SLC4A4: variants seen among roughly 807,000 people sequenced by gnomAD.
The protein encoded by SLC4A4 is electrogenic sodium bicarbonate cotransporter 1.
In SLC4A4, 27 loss-of-function variants were observed where a neutral mutation model predicts 111.5. That is an observed-to-expected ratio of 0.24 (90% CI 0.18 to 0.33). The LOEUF (loss-of-function observed/expected upper bound fraction) is 0.33, where lower values mean the gene tolerates loss of function less well. SLC4A4 is among the 10% of genes least tolerant of loss of function. The pLI is 1.00. For synonymous variants in SLC4A4, 443 were observed against 463.4 expected (o/e 0.96, Z 0.57); for missense variants, 909 against 1,315.5 (o/e 0.69, Z 4.78).
chr4:71,113,697 C>G (rs889310892), intron 2 of SLC4A4, among the ~76,000 whole-genome samples: 1 of 152,130 alleles, frequency 6.6e-6, no homozygotes, highest in African/African-American at 2.4e-5. Flanking sequence ...GAGTGAGATT[C>G]ACCGGGTTAG....
intron 1 of SLC4A4, among the ~76,000 whole-genome samples, chr4:71,079,775 C>A (rs80026684): frequency 3.6e-4 from 52 of 142,506 alleles, no homozygotes; most frequent in Non-Finnish European, 3.8e-4. Context: ...AACTCTGTCT[C>A]AAAAAAAAAA....
chr4:71,219,638 G>T (rs2149020265), intron 1 of SLC4A4, among the ~76,000 whole-genome samples: 1 of 152,190 alleles, frequency 6.6e-6, no homozygotes, highest in African/African-American at 2.4e-5. Context: ...TTCTCTGATG[G>T]GTCTGGGCAA....
At chr4:71,168,919 A>G (rs2148981331) in intron 2 of SLC4A4, among the ~76,000 whole-genome samples, 1 of 152,338 alleles carries the variant, frequency 6.6e-6, no homozygotes, top group East Asian at 1.9e-4. Flanking sequence ...AAACATGGGC[A>G]TGCAGATATC....
intron 6 of SLC4A4, among the ~76,000 whole-genome samples, chr4:71,370,351 A>G (rs1578940667): frequency 6.6e-6 from 1 of 152,338 alleles, no homozygotes; most frequent in Non-Finnish European, 1.5e-5. Flanking sequence ...AAGATCTGCT[A>G]ATCCCACAAT....
intron 6 of SLC4A4, among the ~76,000 whole-genome samples, chr4:71,368,609 C>T (rs949517908): frequency 3.3e-5 from 5 of 152,180 alleles, no homozygotes; most frequent in Non-Finnish European, 2.9e-5. Flanking sequence ...TAATACGACA[C>T]CCTGCCCCCT....
chr4:71,516,220 C>G (rs369495861), intron 16 of SLC4A4, among the ~76,000 whole-genome samples: 3 of 148,116 alleles, frequency 2.0e-5, no homozygotes, highest in African/African-American at 7.5e-5. Context: ...CTCAGCCTCT[C>G]GAGTAGCTGG....
intron 8 of SLC4A4, 85 bp from the exon 9 acceptor site, chr4:71,447,561 A>G: frequency 1.2e-6 from 1 of 851,564 alleles, no homozygotes; most frequent in Admixed American, 1.9e-5. Context: ...CTTTTTATGA[A>G]CTAAGTTAAA....
intron 2 of SLC4A4, among the ~76,000 whole-genome samples, chr4:71,171,154 G>GT (rs1026619868): frequency 8.0e-5 from 12 of 150,284 alleles, no homozygotes; most frequent in African/African-American, 2.7e-4. Flanking sequence ...ATTTTTGTTT[G>GT]TTTTGTTTTT....
chr4:71,369,760 TC>T (rs1216738976), intron 6 of SLC4A4, among the ~76,000 whole-genome samples: 5 of 152,192 alleles, frequency 3.3e-5, no homozygotes, highest in African/African-American at 1.2e-4. Flanking sequence ...ACATGCACTT[TC>T]CCACAGGTTT....
rs534780225 is a variant in SLC4A4 at position 71,152,365 on chromosome 4, T to C, written c.-2+59573T>C. 9.2e-5 allele frequency among the ~76,000 whole-genome samples: 14 copies of C among 152,326 alleles called. No homozygotes were observed. The South Asian group carries it at 2.5e-3, about 27-fold the overall frequency. ...ATGTGGAATCATGCTGTGTACATTT[T>C]TCTATGACTTGCTTTTTTGGCTCAA... On this transcript the variant is annotated intron_variant, in intron 2 of 26. Coordinates refer to the SLC4A4 transcript ENST00000649996.
At chr4:71,555,786 C>G (rs548954858) in intron 21 of SLC4A4, among the ~76,000 whole-genome samples, 1 of 151,908 alleles carries the variant, frequency 6.6e-6, no homozygotes, top group Non-Finnish European at 1.5e-5. Flanking sequence ...CTTTTAATCT[C>G]AGCTACTTGG....
At chr4:71,472,671 T>C in intron 13 of SLC4A4, 28 bp from the exon 14 acceptor site, 4 of 1,609,178 alleles carry the variant, frequency 2.5e-6, no homozygotes, top group Non-Finnish European at 3.4e-6. Context: ...GGAGGAGGAA[T>C]CTAAACATTT....
chr4:71,206,734 A>G (rs946184858), intron 1 of SLC4A4, among the ~76,000 whole-genome samples: 1 of 152,042 alleles, frequency 6.6e-6, no homozygotes, highest in African/African-American at 2.4e-5. Context: ...TCTGTCAATA[A>G]TCTGTGAATC....
intron 3 of SLC4A4, among the ~76,000 whole-genome samples, chr4:71,270,338 C>T (rs1161768063): frequency 3.3e-5 from 5 of 152,190 alleles, no homozygotes; most frequent in African/African-American, 1.2e-4. Flanking sequence ...GATCCGCCCG[C>T]CTCGGCCTCC....
In SLC4A4 at chr4:71,221,636, C is replaced by T. The variant is rs187894947; in HGVS notation, c.-1-14940C>T. On this transcript the variant is annotated intron_variant, in intron 1 of 25. Coordinates refer to ENST00000264485, the MANE Select transcript of SLC4A4 (RefSeq NM_001098484.3). ...TCTGCTTTGGCATCTTCTAGCACTA[C>T]GTGTTGCCATCCCTGGGGCAGATTT... Among the ~76,000 whole-genome samples, 17 of 152,288 alleles carry T rather than the reference C, an allele frequency of 1.1e-4. 1 individual carries two copies. Among genetic ancestry groups the T allele is most frequent in the South Asian group, 4.1e-4 (2 of 4,822 alleles).
chr4:71,379,481 C>CT (rs987608719), intron 6 of SLC4A4, among the ~76,000 whole-genome samples: 4 of 152,064 alleles, frequency 2.6e-5, no homozygotes, highest in African/African-American at 9.7e-5. Context: ...CCGCAGGAGA[C>CT]TTTTTTCATA....
chr4:71,363,644 G>A (rs1338184357), intron 6 of SLC4A4, among the ~76,000 whole-genome samples: 1 of 152,108 alleles, frequency 6.6e-6, no homozygotes, highest in Non-Finnish European at 1.5e-5. Flanking sequence ...GCAACTCTCA[G>A]GCCCACATCA....
upstream of SLC4A4, among the ~76,000 whole-genome samples, chr4:71,185,116 G>A (rs1745409516): frequency 6.6e-6 from 1 of 152,188 alleles, no homozygotes; most frequent in African/African-American, 2.4e-5. Context: ...CTTACGTGAA[G>A]GAAAGTTTGA....
At chr4:71,449,739 A>G (rs1180179071) in intron 9 of SLC4A4, among the ~76,000 whole-genome samples, 2 of 152,234 alleles carry the variant, frequency 1.3e-5, no homozygotes. Flanking sequence ...TGATTGACAG[A>G]AAGATTGTGT....
Sources: allele counts gnomAD v4.1 joint callset (sites outside exome capture counted in the v4.1 genomes callset), GRCh38; gene constraint gnomAD v4.1.1; transcripts MANE v1.5; gene names NCBI Gene and HGNC (gene_info 2026-07-23, HGNC 2026-07-21).